Variants in GABRA1 observed in about 807,000 individuals in gnomAD.
The protein encoded by GABRA1 is gamma-aminobutyric acid type A receptor subunit alpha1, also known as gamma-aminobutyric acid receptor subunit alpha-1.
Under a neutral mutation model 48.9 loss-of-function variants are expected in GABRA1, and 9 were observed. The ratio of observed to expected loss-of-function variants is 0.18; its 90% confidence interval spans 0.11 to 0.32. The LOEUF (loss-of-function observed/expected upper bound fraction) is 0.32, where lower values mean the gene tolerates loss of function less well. GABRA1 is among the 10% of genes least tolerant of loss of function. GABRA1 has a pLI of 1.00. For missense variants in GABRA1, 285 were observed against 553.8 expected, an observed-to-expected ratio of 0.51 and a Z score of 4.87; for synonymous variants, 210 against 198.7, an observed-to-expected ratio of 1.06 and a Z score of -0.48.
intron 6 of GABRA1, among the ~76,000 whole-genome samples, chr5:161,880,093 A>G (rs187765791): frequency 1.2e-4 from 18 of 152,258 alleles, no homozygotes; most frequent in African/African-American, 3.9e-4. Flanking sequence ...CACTTACAAA[A>G]CACAGTAAAG....
At chr5:161,876,742 A>G (rs763225002) in intron 6 of GABRA1, among the ~76,000 whole-genome samples, 1 of 152,184 alleles carries the variant, frequency 6.6e-6, no homozygotes, top group Non-Finnish European at 1.5e-5. Flanking sequence ...CTTAATATGA[A>G]CGATTATGTT....
chr5:161,890,859 G>C (rs1447931721), intron 7 of GABRA1, 39 bp from the exon 8 acceptor site: 12 of 1,601,170 alleles, frequency 7.5e-6, no homozygotes, highest in African/African-American at 2.7e-5. Flanking sequence ...TTTTTCTAAA[G>C]TCAAATTGCT....
intron 4 of GABRA1, among the ~76,000 whole-genome samples, chr5:161,872,590 AT>A (rs1754168638): frequency 6.6e-6 from 1 of 152,146 alleles, no homozygotes; most frequent in South Asian, 2.1e-4. Context: ...TGTGAAAAAA[AT>A]GTTTATTTCG....
chr5:161,860,206 G>C (rs559237699), intron 3 of GABRA1, among the ~76,000 whole-genome samples: 1 of 151,800 alleles, frequency 6.6e-6, no homozygotes, highest in Non-Finnish European at 1.5e-5. Context: ...GAATTTAACT[G>C]AGCTACCCAA....
chr5:161,873,385 C>A, intron 5 of GABRA1, 48 bp downstream of exon 5: 1 of 1,434,218 alleles, frequency 7.0e-7, no homozygotes, highest in Non-Finnish European at 9.8e-7. Context: ...TACTTCATTC[C>A]CTTCCACTTG....
intron 5 of GABRA1, among the ~76,000 whole-genome samples, chr5:161,874,342 T>TA (rs952832809): frequency 9.9e-5 from 15 of 152,088 alleles, no homozygotes; most frequent in Admixed American, 2.0e-4. Flanking sequence ...TATTAGGACT[T>TA]AAAAAAATCT....
rs77714224 is a variant in GABRA1, at chr5:161,886,295, G to C, written c.703+3594G>C. ...GTTATACTACAAAGATTTCAATGCT[G>C]GTTTTGCAACTTATTTACTGTGTGA... On this transcript the variant is annotated intron_variant, in intron 7 of 9. Coordinates refer to ENST00000393943, the MANE Select transcript of GABRA1 (RefSeq NM_001127644.2). Among the ~76,000 whole-genome samples, 6 of 151,494 alleles carry C rather than the reference G, an allele frequency of 4.0e-5. No individual in the cohort carries two copies. The East Asian group carries it at 7.8e-4, about 20-fold the overall frequency.
intron 8 of GABRA1, 117 bp from the exon 9 acceptor site, chr5:161,895,549 A>G (rs1031574933): frequency 6.3e-6 from 6 of 951,490 alleles, no homozygotes; most frequent in African/African-American, 1.6e-5. Flanking sequence ...AAGATGGTCT[A>G]GAAACCACAT....
At chr5:161,896,562 T>C (rs1755377881) in intron 9 of GABRA1, among the ~76,000 whole-genome samples, 1 of 152,168 alleles carries the variant, frequency 6.6e-6, no homozygotes, top group African/African-American at 2.4e-5. Flanking sequence ...CGTGACAAAA[T>C]GCAAGTAAGC....
chr5:161,871,347 A>C (rs1298300352), intron 4 of GABRA1, among the ~76,000 whole-genome samples: 1 of 152,100 alleles, frequency 6.6e-6, no homozygotes, highest in African/African-American at 2.4e-5. Flanking sequence ...TCTGCTGTTG[A>C]CCAATCTAAA....
intron 7 of GABRA1, among the ~76,000 whole-genome samples, chr5:161,890,505 G>A (rs1755040597): frequency 6.6e-6 from 1 of 152,044 alleles, no homozygotes; most frequent in East Asian, 1.9e-4. Flanking sequence ...GATATGCTCT[G>A]TAATGGACAC....
At chr5:161,862,724 G>A (rs183589328) in intron 3 of GABRA1, among the ~76,000 whole-genome samples, 1 of 152,012 alleles carries the variant, frequency 6.6e-6, no homozygotes, top group African/African-American at 2.4e-5. Flanking sequence ...CATAGAAAAT[G>A]TTTAATAAAC....
intron 2 of GABRA1, among the ~76,000 whole-genome samples, chr5:161,852,827 A>G (rs942255790): frequency 1.3e-5 from 2 of 151,918 alleles, no homozygotes; most frequent in Admixed American, 6.6e-5. Flanking sequence ...AATAATAGCC[A>G]TTGCATTTTG....
chr5:161,884,835 T>A (rs1754773629), intron 7 of GABRA1, among the ~76,000 whole-genome samples: 1 of 152,204 alleles, frequency 6.6e-6, no homozygotes, highest in Non-Finnish European at 1.5e-5. Context: ...GTCATGTTAC[T>A]ATAACCCTCT....
chr5:161,850,415 G>C, intron 1 of GABRA1: 1 of 441,708 alleles, frequency 2.3e-6, no homozygotes, highest in Non-Finnish European at 4.0e-6. Context: ...ACAGTTCACT[G>C]TGGAAACTGA....
Position 161,880,350 on chromosome 5 carries a change from G to A in GABRA1, c.560-2208G>A, listed in dbSNP as rs139074293. On this transcript the variant is annotated intron_variant, in intron 6 of 9. Coordinates refer to ENST00000393943, the MANE Select transcript of GABRA1 (RefSeq NM_001127644.2). ...TTATCATATTAAAATATTAGTAAATGTGGTTATCTACAAATTGTAAACGAT... is the reference window on the plus strand; with the variant it reads ...TTATCATATTAAAATATTAGTAAATATGGTTATCTACAAATTGTAAACGAT... 3.5e-3 allele frequency among the ~76,000 whole-genome samples: 536 copies of A among 152,204 alleles called. 2 individuals are homozygous for A. Among genetic ancestry groups the A allele is most frequent in the African/African-American group, 0.012 (508 of 41,548 alleles).
chr5:161,875,722 G>A lies in GABRA1; in HGVS notation c.559+80G>A, dbSNP rs4260711. On this transcript the variant is annotated intron_variant, in intron 6 of 9. Transcript: ENST00000393943. The stretch of plus-strand genomic sequence containing the variant: ...CTAGCTATATCTGTGAGAAAAACGC[G>A]TAGATAAGGGAATCAAGAAAATTTA... 441,138 of 1,019,762 alleles carry A rather than the reference G, an allele frequency of 0.43. 99,727 individuals are homozygous for A. Among genetic ancestry groups the A allele is most frequent in the East Asian group, 0.62 (26,141 of 41,868 alleles). The allele number at this position is 1,019,762 out of a possible 1,614,324, so 63.2% of individuals were successfully genotyped here.
rs80337021 is a variant in GABRA1 at position 161,897,130 on chromosome 5, C to T, written c.1079C>T (p.Pro360Leu). ...VPEKPKKVKD[P>L]LIKKNNTYAP... ...CTACAGCCAAAGAAAGTAAAGGATC[C>T]TCTTATTAAGAAAAACAACACTTAC... The change falls in exon 10 of 10, where the codon CCT (proline) becomes CTT (leucine). Residue 360 changes from proline to leucine, a missense_variant. This residue lies in a region of GABRA1 where 99 missense variants were observed against 94.2 expected (regional missense o/e 1.05). Transcript: ENST00000393943. 3 of 1,613,904 alleles carry T rather than the reference C, an allele frequency of 1.9e-6. No individual in the cohort carries two copies. The highest frequency in any genetic ancestry group is 2.5e-6 in the Non-Finnish European group (3 of 1,179,978).
rs771777107 is a variant in GABRA1 at position 161,862,986 on chromosome 5, CTCTGCTTT to C, written c.188-2731_188-2724del. 4.9e-4 allele frequency among the ~76,000 whole-genome samples: 74 copies of C among 151,870 alleles called. 1 individual carries two copies. The highest frequency in any genetic ancestry group is 4.3e-4 in the Non-Finnish European group (29 of 67,930). On this transcript the variant is annotated intron_variant, in intron 3 of 9. Coordinates refer to ENST00000393943, the MANE Select transcript of GABRA1 (RefSeq NM_001127644.2). ...ATTGTGCTTACTACTTATTTTACTA[CTCTGCTTT>C]TCTCATTTTTGCCTCCAGTACTAAT...
Sources: gnomAD v4.1 joint callset for allele counts (sites outside exome capture counted in the v4.1 genomes callset) on GRCh38, gnomAD v4.1.1 for gene constraint, gnomAD v4.1.1 regional missense constraint, MANE v1.5 for transcripts, NCBI Gene and HGNC (gene_info 2026-07-23, HGNC 2026-07-21) for gene names.